The following MAP7 variants were observed in gnomAD, a reference collection of about 807,000 sequenced individuals.
MAP7 encodes the protein ensconsin.
A neutral mutation model predicts 94.8 loss-of-function variants in MAP7; 52 were observed. That is an observed-to-expected ratio of 0.55 (90% CI 0.44 to 0.69). MAP7 has a LOEUF of 0.69. Among genes scored for constraint, MAP7 ranks in the 30% least tolerant of loss-of-function variants. The probability of loss-of-function intolerance (pLI) is 0.00; values close to 1 mark genes in which losing one functional copy is unlikely to be tolerated. For missense variants in MAP7, 940 were observed against 964.6 expected (o/e 0.97, Z 0.34); for synonymous variants, 350 against 357.0 (o/e 0.98, Z 0.22).
intron 1 of MAP7, among the ~76,000 whole-genome samples, chr6:136,438,232 A>G (rs868313993): frequency 4.6e-5 from 7 of 152,368 alleles, no homozygotes; most frequent in Non-Finnish European, 7.3e-5. Flanking sequence ...ATTTATCGTA[A>G]TAGGCATTGT....
chr6:136,474,557 C>T lies in MAP7; in HGVS notation c.68-52758G>A, dbSNP rs78767483. ...TACTACTACAACAGAGCGGCCTCAG[C>T]GCCAAACAAGTGTGAGGAAAAGAAT... On this transcript the variant is annotated intron_variant, in intron 1 of 17. Coordinates refer to ENST00000354570, the MANE Select transcript of MAP7 (RefSeq NM_003980.6). 9.4e-3 allele frequency among the ~76,000 whole-genome samples: 1,428 copies of T among 152,118 alleles called. 50 individuals carry two copies. In the East Asian group the frequency reaches 0.12, roughly 13 times the overall value.
intron 1 of MAP7, among the ~76,000 whole-genome samples, chr6:136,498,388 G>A (rs997853586): frequency 1.3e-5 from 2 of 152,024 alleles, no homozygotes; most frequent in East Asian, 1.9e-4. Context: ...GGACCTGCCC[G>A]ATTCATGGAT....
intron 1 of MAP7, among the ~76,000 whole-genome samples, chr6:136,514,185 A>G (rs1824084070): frequency 6.6e-6 from 1 of 152,226 alleles, no homozygotes. Flanking sequence ...GGCAGCCATA[A>G]CCTTACAAAA....
chr6:136,524,564 G>C (rs1223658182), intron 1 of MAP7, among the ~76,000 whole-genome samples: 1 of 152,148 alleles, frequency 6.6e-6, no homozygotes, highest in Non-Finnish European at 1.5e-5. Context: ...AGGTCATTTG[G>C]TTCTCAGACA....
chr6:136,446,599 C>T (rs573669186), intron 1 of MAP7, among the ~76,000 whole-genome samples: 1 of 152,296 alleles, frequency 6.6e-6, no homozygotes, highest in East Asian at 1.9e-4. Flanking sequence ...TCTAATCCTG[C>T]CTTAGTCTTT....
At chr6:136,429,776 T>C (rs1011087405) in intron 1 of MAP7, among the ~76,000 whole-genome samples, 1 of 152,148 alleles carries the variant, frequency 6.6e-6, no homozygotes, top group Non-Finnish European at 1.5e-5. Context: ...AAAAAATAAG[T>C]AAATAAGTAA....
chr6:136,382,694 A>G (rs1178794960), intron 6 of MAP7, among the ~76,000 whole-genome samples: 2 of 152,222 alleles, frequency 1.3e-5, no homozygotes, highest in Non-Finnish European at 2.9e-5. Flanking sequence ...AGAATATTGT[A>G]CATTACAATG....
intron 1 of MAP7, among the ~76,000 whole-genome samples, chr6:136,516,281 C>A (rs566909658): frequency 1.1e-3 from 165 of 152,192 alleles, no homozygotes; most frequent in Middle Eastern, 3.4e-3. Flanking sequence ...CCCACCTCAG[C>A]CTCCGGAGTA....
chr6:136,472,133 A>AT (rs1234125387), intron 1 of MAP7, among the ~76,000 whole-genome samples: 1 of 152,114 alleles, frequency 6.6e-6, no homozygotes, highest in Non-Finnish European at 1.5e-5. Flanking sequence ...TTTCTCAACC[A>AT]TTTTTTTGCA....
chr6:136,428,949 A>G (rs1794086288), intron 1 of MAP7, among the ~76,000 whole-genome samples: 1 of 152,080 alleles, frequency 6.6e-6, no homozygotes, highest in Admixed American at 6.5e-5. Flanking sequence ...TTTCTCTACA[A>G]TCTTAGCAGT....
At chr6:136,493,991 C>A (rs1422390135) in intron 1 of MAP7, among the ~76,000 whole-genome samples, 1 of 152,148 alleles carries the variant, frequency 6.6e-6, no homozygotes, top group African/African-American at 2.4e-5. Context: ...TAATTACAAC[C>A]TTTAGAGTTC....
chr6:136,458,732 T>C (rs1804184757), intron 1 of MAP7, among the ~76,000 whole-genome samples: 1 of 152,056 alleles, frequency 6.6e-6, no homozygotes, highest in Non-Finnish European at 1.5e-5. Flanking sequence ...AGGAAGAAAT[T>C]AGACCTATAC....
intron 6 of MAP7, 38 bp from the exon 7 acceptor site, chr6:136,377,906 C>A (rs1211217532): frequency 6.9e-7 from 1 of 1,458,322 alleles, no homozygotes; most frequent in East Asian, 2.3e-5. Context: ...TAGAAGCATT[C>A]TTTTCAGAGT....
intron 1 of MAP7, among the ~76,000 whole-genome samples, chr6:136,446,814 C>T (rs2128869614): frequency 6.6e-6 from 1 of 152,280 alleles, no homozygotes; most frequent in South Asian, 2.1e-4. Context: ...ATTAGACACC[C>T]ATATTCGAAA....
At chr6:136,511,079 TG>T (rs1823135092) in intron 1 of MAP7, among the ~76,000 whole-genome samples, 1 of 152,180 alleles carries the variant, frequency 6.6e-6, no homozygotes. Flanking sequence ...TGTGTGTCAC[TG>T]AAACTTATGG....
At chr6:136,482,944 T>G (rs2128969061) in intron 1 of MAP7, among the ~76,000 whole-genome samples, 2 of 152,300 alleles carry the variant, frequency 1.3e-5, no homozygotes, top group South Asian at 4.1e-4. Flanking sequence ...AGATGTTGTA[T>G]GCAGTGTCTA....
At chr6:136,376,873 CAGG>C (rs1222456112) in intron 7 of MAP7, among the ~76,000 whole-genome samples, 1 of 152,180 alleles carries the variant, frequency 6.6e-6, no homozygotes, top group Non-Finnish European at 1.5e-5. Context: ...TACTTAAAAG[CAGG>C]CTAATGAACA....
intron 6 of MAP7, among the ~76,000 whole-genome samples, chr6:136,381,335 C>G (rs542302453): frequency 5.3e-5 from 8 of 152,030 alleles, no homozygotes; most frequent in Non-Finnish European, 8.8e-5. Flanking sequence ...CACACCATCA[C>G]GCTTGGCTAA....
chr6:136,465,758 C>A (rs1292641866), intron 1 of MAP7, among the ~76,000 whole-genome samples: 2 of 152,122 alleles, frequency 1.3e-5, no homozygotes, highest in Non-Finnish European at 2.9e-5. Flanking sequence ...ATTTTATAAT[C>A]ATAAAATACC....
Sources: allele counts gnomAD v4.1 joint callset (sites outside exome capture counted in the v4.1 genomes callset), GRCh38; gene constraint gnomAD v4.1.1; transcripts MANE v1.5; gene names NCBI Gene and HGNC (gene_info 2026-07-23, HGNC 2026-07-21).